DENND1B: variants seen among roughly 807,000 people sequenced by gnomAD.
DENND1B encodes the protein DENN domain-containing protein 1B.
In DENND1B, 59 loss-of-function variants were observed where a neutral mutation model predicts 90.1. The observed-to-expected ratio is 0.65, with a 90% confidence interval of 0.53 to 0.81. DENND1B has a LOEUF of 0.81. Among genes scored for constraint, DENND1B ranks in the 40% least tolerant of loss-of-function variants. The pLI, the probability that DENND1B is intolerant of heterozygous loss-of-function variation, is 0.00. For synonymous variants in DENND1B, 337 were observed against 324.6 expected (o/e 1.04, Z -0.41); for missense variants, 862 against 912.6 (o/e 0.94, Z 0.71).
chr1:197,776,485 G>T (rs1657274293), upstream of DENND1B, among the ~76,000 whole-genome samples: 1 of 152,148 alleles, frequency 6.6e-6, no homozygotes, highest in Non-Finnish European at 1.5e-5. Context: ...TCTGGGAAAG[G>T]CCTTCTCCCA....
chr1:197,757,824 G>A (rs1431980100), intron 2 of DENND1B, among the ~76,000 whole-genome samples: 1 of 152,116 alleles, frequency 6.6e-6, no homozygotes, highest in East Asian at 1.9e-4. Flanking sequence ...CTTAGTATTT[G>A]TTTACACAGA....
intron 12 of DENND1B, 73 bp downstream of exon 12, chr1:197,611,858 T>G: frequency 7.2e-7 from 1 of 1,391,534 alleles, no homozygotes; most frequent in Admixed American, 1.8e-5. Context: ...TGATATTTCT[T>G]CAAAACAAAA....
At chr1:197,687,517 A>G (rs1039297366) in intron 3 of DENND1B, among the ~76,000 whole-genome samples, 3 of 152,150 alleles carry the variant, frequency 2.0e-5, no homozygotes, top group African/African-American at 2.4e-5. Flanking sequence ...ATCACCATTT[A>G]TCTAATCTTC....
At chr1:197,707,525 T>C (rs1307092566) in intron 3 of DENND1B, among the ~76,000 whole-genome samples, 2 of 150,060 alleles carry the variant, frequency 1.3e-5, no homozygotes, top group Admixed American at 6.7e-5. Context: ...AAATATCACA[T>C]ATATGTATAA....
At chr1:197,544,784 GAAGAAGAA>G (rs1670602073) in intron 18 of DENND1B, among the ~76,000 whole-genome samples, 1 of 142,222 alleles carries the variant, frequency 7.0e-6, no homozygotes, top group Non-Finnish European at 1.6e-5. Context: ...GGAGGAGGAA[GAAGAAGAA>G]GAGGAGGAAG....
At chr1:197,700,613 TTAAAC>T (rs1290890202) in intron 3 of DENND1B, among the ~76,000 whole-genome samples, 12 of 151,846 alleles carry the variant, frequency 7.9e-5, no homozygotes, top group African/African-American at 2.9e-4. Context: ...TGAGATGTAA[TTAAAC>T]TAACAGAAAA....
chr1:197,552,265 G>A (rs1364420814), intron 16 of DENND1B: 1 of 982,766 alleles, frequency 1.0e-6, no homozygotes, highest in Non-Finnish European at 1.2e-6. Context: ...CAGAATACAA[G>A]GATTTTTGTT....
intron 2 of DENND1B, among the ~76,000 whole-genome samples, chr1:197,720,578 G>T (rs1174572065): frequency 6.6e-6 from 1 of 151,150 alleles, no homozygotes; most frequent in Admixed American, 6.6e-5. Context: ...TAAAAAAAAC[G>T]GTTTAAGGAA....
chr1:197,584,491 C>G (rs1674518656), intron 14 of DENND1B, among the ~76,000 whole-genome samples: 1 of 152,104 alleles, frequency 6.6e-6, no homozygotes, highest in Admixed American at 6.5e-5. Flanking sequence ...AGAACATTTC[C>G]TTCAGCATAA....
chr1:197,603,028 G>A (rs923873690), intron 13 of DENND1B, among the ~76,000 whole-genome samples: 7 of 151,162 alleles, frequency 4.6e-5, no homozygotes, highest in African/African-American at 1.7e-4. Context: ...CAACGTTTTA[G>A]TAATTAAATA....
rs116724486 is a variant in DENND1B, at chr1:197,675,319, T to C, written c.127-1150A>G. On this transcript the variant is annotated intron_variant, in intron 3 of 22. Transcript: ENST00000620048. ...TTTAAAGTAGAATTTCTTGCATTCT[T>C]TTAAAAAGGTAGACTACAATAAAGT... Among the ~76,000 whole-genome samples, 880 of 152,256 alleles carry C rather than the reference T, an allele frequency of 5.8e-3. 9 individuals carry two copies. The highest frequency in any genetic ancestry group is 0.02 in the African/African-American group (814 of 41,576).
At chr1:197,657,528 C>T (rs1395260744) in intron 6 of DENND1B, among the ~76,000 whole-genome samples, 4 of 152,136 alleles carry the variant, frequency 2.6e-5, no homozygotes, top group Non-Finnish European at 5.9e-5. Flanking sequence ...CACAACAATA[C>T]ACCACTTTGC....
intron 12 of DENND1B, among the ~76,000 whole-genome samples, chr1:197,610,188 G>T (rs1333406193): frequency 6.6e-6 from 1 of 150,528 alleles, no homozygotes; most frequent in African/African-American, 2.4e-5. Flanking sequence ...AAAATACAGA[G>T]ATTTCAACCA....
chr1:197,775,177 T>C lies in DENND1B; in HGVS notation c.-22A>G. The C allele has an allele frequency of 7.8e-7, 1 of 1,280,044 alleles. No homozygotes were observed. Among genetic ancestry groups the C allele is most frequent in the Admixed American group, 3.7e-5 (1 of 27,070 alleles). The allele number at this position is 1,280,044 out of a possible 1,614,324, so 79.3% of individuals were successfully genotyped here. On this transcript the variant is annotated 5_prime_UTR_variant, in exon 1 of 23. Transcript: ENST00000620048. ...CCATGGTTACATGTCGGTGTGGGGC[T>C]GTCCGTCCGGCCCCCGCGCGCTGGC...
At chr1:197,617,790 G>A (rs781330170) in intron 10 of DENND1B, 31 bp from the exon 11 acceptor site, 4 of 1,514,204 alleles carry the variant, frequency 2.6e-6, no homozygotes, top group Non-Finnish European at 3.7e-6. Context: ...ACAAAAATAA[G>A]TAGCTGCTGA....
chr1:197,695,789 TTTA>T (rs1192358447), intron 3 of DENND1B, among the ~76,000 whole-genome samples: 1 of 151,248 alleles, frequency 6.6e-6, no homozygotes, highest in African/African-American at 2.4e-5. Context: ...CATTTAAATA[TTTA>T]TTTTCAGAGT....
chr1:197,617,030 C>T (rs1406687719), intron 11 of DENND1B, among the ~76,000 whole-genome samples: 1 of 150,952 alleles, frequency 6.6e-6, no homozygotes, highest in African/African-American at 2.4e-5. Context: ...GGTCTAGAGG[C>T]CTGGTTATTG....
At chr1:197,774,977 G>T (rs969162290) in intron 1 of DENND1B, among the ~76,000 whole-genome samples, 162 bp downstream of exon 1, 5 of 152,056 alleles carry the variant, frequency 3.3e-5, no homozygotes, top group African/African-American at 1.2e-4. Flanking sequence ...CGTCCCGCCG[G>T]CCGGCCAGAG....
chr1:197,727,347 A>C (rs1288616800), intron 2 of DENND1B, among the ~76,000 whole-genome samples: 1 of 152,056 alleles, frequency 6.6e-6, no homozygotes, highest in Non-Finnish European at 1.5e-5. Flanking sequence ...CATCCTGGCT[A>C]ACACAGTGAA....
Sources: allele counts gnomAD v4.1 joint callset (sites outside exome capture counted in the v4.1 genomes callset), GRCh38; gene constraint gnomAD v4.1.1; transcripts MANE v1.5; gene names NCBI Gene and HGNC (gene_info 2026-07-23, HGNC 2026-07-21).